Variants in SYTL5 observed in about 807,000 individuals in gnomAD.
SYTL5 encodes the protein synaptotagmin like 5, also known as synaptotagmin-like protein 5.
In SYTL5, 34 loss-of-function variants were observed where a neutral mutation model predicts 55.9. That is an observed-to-expected ratio of 0.61 (90% CI 0.46 to 0.81). The LOEUF (loss-of-function observed/expected upper bound fraction) is 0.81. Ranked by LOEUF, SYTL5 falls within the 30% of genes least tolerant of loss-of-function variation. The pLI is 0.00. For synonymous variants in SYTL5, 221 were observed against 188.7 expected, an observed-to-expected ratio of 1.17 and a Z score of -1.40; for missense variants, 637 against 546.7, an observed-to-expected ratio of 1.17 and a Z score of -1.65.
At chrX:38,003,161 A>G, upstream of SYTL5, among the ~76,000 whole-genome samples, 1 of 111,800 alleles carries the variant, frequency 8.9e-6, no homozygotes, top group Middle Eastern at 4.6e-3. Context: ...CAGGTTTGTC[A>G]AAGATCAGAT....
the SYTL5 span, among the ~76,000 whole-genome samples, chrX:37,968,997 T>C: frequency 8.1e-4 from 91 of 111,979 alleles, no homozygotes; most frequent in African/African-American, 2.8e-3. Flanking sequence ...GTTTTGCCCT[T>C]CCCTCATATC....
intron 9 of SYTL5, among the ~76,000 whole-genome samples, chrX:38,098,149 G>A (rs1426372420): frequency 9.1e-6 from 1 of 110,363 alleles, no homozygotes. Context: ...CTTAAATATG[G>A]CACTGAAAGC....
At position 38,073,522 on chromosome X, in the gene SYTL5, A is replaced by C. The variant is rs1007123124; in HGVS notation, c.446-68A>C. 12 of 792,808 alleles carry C rather than the reference A, an allele frequency of 1.5e-5. No individual in the cohort carries two copies. The Admixed American group carries it at 3.6e-4, about 24-fold the overall frequency. 65.3% of individuals were successfully genotyped at this position (792,808 alleles called of 1,213,427 possible). Reference sequence around the variant, plus strand: ...AGCTAATCTGGGAAAGTGAAAGCAGAATATAAATTTGCTCTCATTTCTGGC... The same window carrying C: ...AGCTAATCTGGGAAAGTGAAAGCAGCATATAAATTTGCTCTCATTTCTGGC... On this transcript the variant is annotated intron_variant, in intron 4 of 16. Transcript: ENST00000297875.
chrX:38,108,387 C>G (rs1303259976), intron 11 of SYTL5, among the ~76,000 whole-genome samples: 1 of 111,276 alleles, frequency 9.0e-6, no homozygotes, highest in Non-Finnish European at 1.9e-5. Context: ...GACTTCAGAA[C>G]CCACACTCTT....
chrX:38,085,981 A>C (rs781509586), intron 6 of SYTL5, among the ~76,000 whole-genome samples: 2 of 111,979 alleles, frequency 1.8e-5, no homozygotes, highest in South Asian at 7.5e-4. Context: ...CAGAGCCAGC[A>C]AACGAGACAT....
chrX:37,902,995 A>G, the SYTL5 span, among the ~76,000 whole-genome samples: 48 of 112,179 alleles, frequency 4.3e-4, no homozygotes, highest in Admixed American at 1.0e-3. Context: ...CAAAACCACA[A>G]TGATACACCA....
the SYTL5 span, among the ~76,000 whole-genome samples, chrX:37,892,329 T>C: frequency 2.0e-4 from 22 of 108,367 alleles, no homozygotes; most frequent in African/African-American, 7.0e-4. Flanking sequence ...TGATTTCTAG[T>C]ATATGTCAAA....
chrX:37,968,459 G>C, the SYTL5 span, among the ~76,000 whole-genome samples: 16 of 111,549 alleles, frequency 1.4e-4, no homozygotes, highest in Non-Finnish European at 2.8e-4. Context: ...GACCTATGAG[G>C]ATAGCAGATT....
chrX:38,071,939 A>G, intron 3 of SYTL5, 108 bp from the exon 4 acceptor site: 1 of 511,456 alleles, frequency 2.0e-6, no homozygotes, highest in South Asian at 3.2e-5. Context: ...AGAGATTGAG[A>G]TAAACTTTAT....
At chrX:37,891,264 T>C in the SYTL5 span, among the ~76,000 whole-genome samples, 23 of 112,334 alleles carry the variant, frequency 2.0e-4, no homozygotes, top group African/African-American at 6.8e-4. Context: ...AAATAAAATG[T>C]GCAATGTCCA....
chrX:37,944,177 C>T, the SYTL5 span, among the ~76,000 whole-genome samples: 1 of 111,092 alleles, frequency 9.0e-6, no homozygotes, highest in African/African-American at 3.3e-5. Context: ...TTGTTTATGG[C>T]CCTAGGCTAA....
the SYTL5 span, among the ~76,000 whole-genome samples, chrX:37,984,257 AAG>A: frequency 8.9e-6 from 1 of 111,836 alleles, no homozygotes; most frequent in Non-Finnish European, 1.9e-5. Context: ...GATAATAAAA[AAG>A]AGAGAATTCA....
chrX:38,040,103 G>C (rs188050742), intron 2 of SYTL5, among the ~76,000 whole-genome samples: 1 of 110,372 alleles, frequency 9.1e-6, no homozygotes, highest in East Asian at 2.8e-4. Flanking sequence ...GAACCTGGGA[G>C]GTGGAGGTTG....
At chrX:38,082,691 T>C (rs1936563169) in intron 6 of SYTL5, among the ~76,000 whole-genome samples, 1 of 112,548 alleles carries the variant, frequency 8.9e-6, no homozygotes, top group African/African-American at 3.2e-5. Context: ...TTTCAAAGGA[T>C]TCAGGTAAGC....
the SYTL5 span, among the ~76,000 whole-genome samples, chrX:37,971,387 T>C: frequency 9.0e-6 from 1 of 111,315 alleles, no homozygotes; most frequent in East Asian, 2.8e-4. Flanking sequence ...AAGGATTCAA[T>C]TGCCAATTGA....
chrX:38,015,651 G>C (rs1002973424), intron 1 of SYTL5, among the ~76,000 whole-genome samples: 4 of 110,399 alleles, frequency 3.6e-5, no homozygotes, highest in Admixed American at 9.7e-5. Context: ...AGCAGCTTTT[G>C]TGAGATATAA....
chrX:38,050,934 C>G (rs1448881780), intron 2 of SYTL5, among the ~76,000 whole-genome samples: 1 of 112,219 alleles, frequency 8.9e-6, no homozygotes, highest in Non-Finnish European at 1.9e-5. Flanking sequence ...GTTTCATTGG[C>G]CAGTGTGAGT....
chrX:38,071,264 A>T (rs1319939299), intron 3 of SYTL5, among the ~76,000 whole-genome samples: 2 of 111,716 alleles, frequency 1.8e-5, no homozygotes, highest in African/African-American at 6.5e-5. Context: ...GCATTTCAGG[A>T]GGGAAGATGG....
At chrX:38,030,532 C>T (rs181870747) in intron 1 of SYTL5, among the ~76,000 whole-genome samples, 185 of 112,109 alleles carry the variant, frequency 1.7e-3, no homozygotes, top group Middle Eastern at 9.1e-3. Flanking sequence ...GGCCAAATGG[C>T]CAATATTCCT....
Sources: allele counts gnomAD v4.1 joint callset (sites outside exome capture counted in the v4.1 genomes callset), GRCh38; gene constraint gnomAD v4.1.1; transcripts MANE v1.5; gene names NCBI Gene and HGNC (gene_info 2026-07-23, HGNC 2026-07-21).